The following BDP1 variants were observed in gnomAD, a reference collection of about 807,000 sequenced individuals.
BDP1 encodes transcription factor TFIIIB component B'' homolog.
BDP1 carries 169 observed loss-of-function variants against 266.6 expected under a neutral mutation model. The observed-to-expected ratio is 0.63, with a 90% confidence interval of 0.56 to 0.72. BDP1 has a LOEUF of 0.72. Ranked by LOEUF, BDP1 falls within the 30% of genes least tolerant of loss-of-function variation. BDP1 has a pLI of 0.00. For synonymous variants in BDP1, 1,090 were observed against 1,022.4 expected, an observed-to-expected ratio of 1.07 and a Z score of -1.26; for missense variants, 3,015 against 3,053.8, an observed-to-expected ratio of 0.99 and a Z score of 0.30.
intron 28 of BDP1, 106 bp from the exon 29 acceptor site, chr5:71,541,348 C>A: frequency 1.8e-6 from 1 of 545,560 alleles, no homozygotes. Flanking sequence ...ACAAATGAAG[C>A]AAACTTTAAT....
chr5:71,527,883 A>G (rs945023744), intron 25 of BDP1, among the ~76,000 whole-genome samples: 4 of 151,238 alleles, frequency 2.6e-5, no homozygotes, highest in Non-Finnish European at 5.9e-5. Flanking sequence ...CAGTGGCGCA[A>G]TCTTGGCTCA....
intron 34 of BDP1, among the ~76,000 whole-genome samples, chr5:71,552,726 A>G (rs1226805800): frequency 6.6e-6 from 1 of 152,390 alleles, no homozygotes; most frequent in South Asian, 2.1e-4. Flanking sequence ...AGGCTGAGGC[A>G]GGAGAACCAG....
intron 26 of BDP1, among the ~76,000 whole-genome samples, chr5:71,534,210 A>T (rs1766440007): frequency 6.6e-6 from 1 of 152,154 alleles, no homozygotes; most frequent in Admixed American, 6.5e-5. Flanking sequence ...CTAAAAGATG[A>T]TTTTTGCTTT....
chr5:71,545,239 A>C lies in BDP1; in HGVS notation c.6744+20A>C, dbSNP rs182509902. ...CCAGAGGTAAAAGAATGTACAGTATAATAAGGGATAGCAAGGTGTTTTCCT... is the reference window on the plus strand; with the variant it reads ...CCAGAGGTAAAAGAATGTACAGTATCATAAGGGATAGCAAGGTGTTTTCCT... On this transcript the variant is annotated intron_variant, in intron 32 of 38. Transcript: ENST00000358731. 375 of 1,596,596 alleles carry C rather than the reference A, an allele frequency of 2.3e-4. 1 individual carries two copies. The highest frequency in any genetic ancestry group is 5.4e-4 in the South Asian group (47 of 87,644).
intron 13 of BDP1, among the ~76,000 whole-genome samples, chr5:71,499,606 C>T (rs988582779): frequency 6.6e-5 from 10 of 152,022 alleles, no homozygotes; most frequent in East Asian, 3.9e-4. Context: ...GGCAACAGAG[C>T]GAAACTCTGT....
chr5:71,518,749 G>A (rs762583313), intron 22 of BDP1, among the ~76,000 whole-genome samples: 19 of 151,628 alleles, frequency 1.3e-4, no homozygotes, highest in Non-Finnish European at 2.2e-4. Context: ...CACCGTGCCC[G>A]ACCTCTGTTA....
Position 71,455,943 on chromosome 5 carries a change from C to T in BDP1, c.66C>T (p.Ser22=). ...NVRPGVGARG[S]TASNPQRGRE... ...GGCCTGGTGTAGGCGCCAGGGGCTCCACAGCTTCCAATCCCCAGCGTGGAC... is the reference window on the plus strand; with the variant it reads ...GGCCTGGTGTAGGCGCCAGGGGCTCTACAGCTTCCAATCCCCAGCGTGGAC... The change falls in exon 1 of 39, where the codon TCC becomes TCT. Residue 22 remains serine (S), a synonymous_variant. Coordinates refer to ENST00000358731, the MANE Select transcript of BDP1 (RefSeq NM_018429.3). 4 of 1,612,400 alleles carry T rather than the reference C, an allele frequency of 2.5e-6. No homozygotes were observed. The highest frequency in any genetic ancestry group is 4.5e-5 in the East Asian group (2 of 44,860).
At chr5:71,538,162 A>C (rs1766749857) in intron 26 of BDP1, among the ~76,000 whole-genome samples, 1 of 152,154 alleles carries the variant, frequency 6.6e-6, no homozygotes, top group Admixed American at 6.5e-5. Context: ...CCCCAGGATA[A>C]ATTCTAGGAT....
chr5:71,529,521 T>A (rs551692302), intron 25 of BDP1, among the ~76,000 whole-genome samples: 1 of 152,324 alleles, frequency 6.6e-6, no homozygotes, highest in South Asian at 2.1e-4. Flanking sequence ...CAAGACCCTG[T>A]CTCTACATTC....
intron 2 of BDP1, among the ~76,000 whole-genome samples, chr5:71,459,404 G>T (rs1761405387): frequency 1.3e-5 from 2 of 152,200 alleles, no homozygotes; most frequent in African/African-American, 4.8e-5. Context: ...CCCAACTACT[G>T]GGGAGGCTGA....
At chr5:71,534,440 T>C (rs1766459746) in intron 26 of BDP1, among the ~76,000 whole-genome samples, 1 of 152,210 alleles carries the variant, frequency 6.6e-6, no homozygotes, top group Admixed American at 6.5e-5. Context: ...TGCATAGATC[T>C]ATATGTCTGT....
intron 3 of BDP1, 32 bp downstream of exon 3, chr5:71,461,958 CTTTTT>C (rs370261571): frequency 2.3e-3 from 1,029 of 442,434 alleles, no homozygotes; most frequent in East Asian, 3.2e-3. Context: ...TTTACTATCT[CTTTTT>C]TTTTTTTTTT....
chr5:71,552,438 A>G (rs1316687229), intron 34 of BDP1, among the ~76,000 whole-genome samples: 1 of 152,270 alleles, frequency 6.6e-6, no homozygotes, highest in East Asian at 1.9e-4. Flanking sequence ...CAGAGGCTGC[A>G]ATCTCGGCAC....
chr5:71,490,935 GATGT>G (rs777891895), intron 10 of BDP1, 45 bp from the exon 11 acceptor site: 1 of 1,558,248 alleles, frequency 6.4e-7, no homozygotes, highest in African/African-American at 1.4e-5. Context: ...CTCTAAAAAA[GATGT>G]TTTTGCTGTC....
chr5:71,487,311 G>A (rs556886104), intron 9 of BDP1, among the ~76,000 whole-genome samples: 1 of 151,856 alleles, frequency 6.6e-6, no homozygotes, highest in Non-Finnish European at 1.5e-5. Flanking sequence ...GCACGATCTC[G>A]ACTCACTGCA....
chr5:71,474,384 A>G (rs1175637472), intron 7 of BDP1, among the ~76,000 whole-genome samples: 2 of 150,482 alleles, frequency 1.3e-5, no homozygotes, highest in Admixed American at 1.3e-4. Context: ...GTGCAATGGC[A>G]TGATCTTGGC....
intron 32 of BDP1, among the ~76,000 whole-genome samples, chr5:71,546,050 G>C (rs376339275): frequency 6.6e-6 from 1 of 152,096 alleles, no homozygotes; most frequent in Admixed American, 6.6e-5. Context: ...GAATATTAAT[G>C]AAGAAAGTGA....
rs1765643454 is a variant in BDP1, at chr5:71,524,033, G to A, written c.5482G>A (p.Gly1828Ser). ...SSTSEYERNR[G>S]ERRSHKKFKP... ...TACATCTGAGTATGAGAGAAATCGTGGTGAAAGGAGAAGTCATAAAAAGTT... is the reference window on the plus strand; with the variant it reads ...TACATCTGAGTATGAGAGAAATCGTAGTGAAAGGAGAAGTCATAAAAAGTT... The change falls in exon 25 of 39, where the codon GGT (glycine) becomes AGT (serine). Residue 1828 changes from glycine to serine, a missense_variant. Transcript: ENST00000358731. The A allele has an allele frequency of 1.9e-6, 3 of 1,614,030 alleles. No homozygotes were observed. Among genetic ancestry groups the A allele is most frequent in the Admixed American group, 1.7e-5 (1 of 59,996 alleles).
At chr5:71,489,744 G>C in intron 10 of BDP1, 62 bp downstream of exon 10, 1 of 1,402,752 alleles carries the variant, frequency 7.1e-7, no homozygotes, top group South Asian at 1.4e-5. Context: ...ACAGTAATAT[G>C]GTATGTAACT....
Sources: allele counts gnomAD v4.1 joint callset (sites outside exome capture counted in the v4.1 genomes callset), GRCh38; gene constraint gnomAD v4.1.1; transcripts MANE v1.5; gene names NCBI Gene and HGNC (gene_info 2026-07-23, HGNC 2026-07-21).